Variants in UNC13C observed in about 807,000 individuals in gnomAD.
UNC13C encodes protein unc-13 homolog C.
In UNC13C, 174 loss-of-function variants were observed where a neutral mutation model predicts 245.4. The observed-to-expected ratio is 0.71, with a 90% CI of 0.63 to 0.80. The LOEUF is 0.80. UNC13C is among the 30% of genes least tolerant of loss of function. UNC13C has a pLI of 0.00. For synonymous variants in UNC13C, 992 were observed against 895.1 expected (o/e 1.11, Z -1.93); for missense variants, 2,829 against 2,602.9 (o/e 1.09, Z -1.89).
At chr15:54,318,202 C>G (rs1233867754) in intron 13 of UNC13C, among the ~76,000 whole-genome samples, 2 of 151,924 alleles carry the variant, frequency 1.3e-5, no homozygotes, top group African/African-American at 4.8e-5. Context: ...GCAGATATCT[C>G]TTTGACGTGC....
chr15:54,236,542 G>T, intron 6 of UNC13C, 107 bp downstream of exon 6: 1 of 844,946 alleles, frequency 1.2e-6, no homozygotes, highest in Non-Finnish European at 1.8e-6. Context: ...TGAAAAGACA[G>T]ACATACAAGA....
intron 1 of UNC13C, among the ~76,000 whole-genome samples, chr15:53,985,282 C>CT (rs1184567232): frequency 6.6e-6 from 1 of 151,278 alleles, no homozygotes; most frequent in African/African-American, 2.4e-5. Context: ...TGAACTCATA[C>CT]TTTTTTATGG....
chr15:54,455,926 G>A (rs1891496455), intron 19 of UNC13C, among the ~76,000 whole-genome samples: 1 of 151,912 alleles, frequency 6.6e-6, no homozygotes, highest in Admixed American at 6.6e-5. Flanking sequence ...TTGGGTTCTT[G>A]GTCATGAACT....
At chr15:54,356,312 T>A (rs2039093269) in intron 17 of UNC13C, among the ~76,000 whole-genome samples, 1 of 152,114 alleles carries the variant, frequency 6.6e-6, no homozygotes, top group African/African-American at 2.4e-5. Flanking sequence ...CAAATTAACC[T>A]CCAAAGGGGT....
chr15:53,966,161 GCATAGTTGA>G, the UNC13C span, among the ~76,000 whole-genome samples: 1 of 152,116 alleles, frequency 6.6e-6, no homozygotes, highest in Non-Finnish European at 1.5e-5. Flanking sequence ...TATTCATGTG[GCATAGTTGA>G]CATATTCTTC....
chr15:54,148,212 G>T (rs1258002098), intron 4 of UNC13C, among the ~76,000 whole-genome samples: 2 of 152,102 alleles, frequency 1.3e-5, no homozygotes, highest in Non-Finnish European at 2.9e-5. Context: ...TTTTCAAACA[G>T]GTACATTTAC....
At chr15:54,508,225 G>A (rs969860617) in intron 23 of UNC13C, among the ~76,000 whole-genome samples, 32 of 144,936 alleles carry the variant, frequency 2.2e-4, no homozygotes, top group African/African-American at 8.5e-4. Context: ...CATGTCTAAA[G>A]TGTTACATTG....
chr15:54,577,641 T>C (rs1476937636), intron 30 of UNC13C, among the ~76,000 whole-genome samples: 3 of 152,168 alleles, frequency 2.0e-5, no homozygotes, highest in African/African-American at 7.2e-5. Context: ...TCAATGTCTT[T>C]CCTAGAAAAC....
chr15:53,963,298 A>G, the UNC13C span, among the ~76,000 whole-genome samples: 1 of 152,180 alleles, frequency 6.6e-6, no homozygotes, highest in Admixed American at 6.5e-5. Context: ...CCAAACTTAT[A>G]CTGAGACTTT....
At chr15:54,577,780 A>C (rs1898022449) in intron 30 of UNC13C, among the ~76,000 whole-genome samples, 1 of 152,124 alleles carries the variant, frequency 6.6e-6, no homozygotes, top group Admixed American at 6.6e-5. Context: ...TCTCTTCTCA[A>C]ACCATCCTAA....
chr15:54,575,310 A>G (rs755072718), intron 30 of UNC13C, among the ~76,000 whole-genome samples: 5 of 152,188 alleles, frequency 3.3e-5, no homozygotes, highest in African/African-American at 4.8e-5. Flanking sequence ...TAGGATGAAA[A>G]GTTTAAATAC....
intron 2 of UNC13C, among the ~76,000 whole-genome samples, chr15:54,066,640 A>G (rs547929192): frequency 1.3e-5 from 2 of 152,302 alleles, no homozygotes; most frequent in South Asian, 2.1e-4. Flanking sequence ...CTCAGAGGTC[A>G]CGTGTTATGC....
rs1232299320 is a variant in UNC13C, at chr15:54,455,197, CTCTCTCTCTATA to C, written c.4934-39409_4934-39398del. ...TCTCTCTCTCTCTCTCTCTCTCTCTCTCTCTCTCTATATATATATATATATATATATATATAT... is the reference window on the plus strand; with the variant it reads ...TCTCTCTCTCTCTCTCTCTCTCTCTCTATATATATATATATATATATATAT... On this transcript the variant is annotated intron_variant, in intron 19 of 32. Transcript: ENST00000260323. Among the ~76,000 whole-genome samples the C allele has an allele frequency of 1.5e-3, 64 of 43,924 alleles. 5 individuals carry two copies. The highest frequency in any genetic ancestry group is 0.013 in the East Asian group (14 of 1,068). The allele number at this position is 43,924 out of a possible 152,430, so 28.8% of individuals were successfully genotyped here.
At chr15:54,230,606 T>C (rs1447094565) in intron 4 of UNC13C, among the ~76,000 whole-genome samples, 1 of 152,050 alleles carries the variant, frequency 6.6e-6, no homozygotes, top group Non-Finnish European at 1.5e-5. Flanking sequence ...TAACTGAACC[T>C]GAGTCAAGGC....
the UNC13C span, among the ~76,000 whole-genome samples, chr15:53,962,905 C>A: frequency 6.6e-6 from 1 of 152,152 alleles, no homozygotes; most frequent in Non-Finnish European, 1.5e-5. Flanking sequence ...ATCTGTCATC[C>A]TTTGTACATG....
intron 2 of UNC13C, among the ~76,000 whole-genome samples, chr15:54,134,858 A>T (rs2031649246): frequency 6.6e-6 from 1 of 152,144 alleles, no homozygotes; most frequent in African/African-American, 2.4e-5. Context: ...GGATTATTAT[A>T]GTAGTTCTAG....
chr15:54,606,840 A>C (rs1899792178), intron 30 of UNC13C, among the ~76,000 whole-genome samples: 1 of 152,190 alleles, frequency 6.6e-6, no homozygotes, highest in Non-Finnish European at 1.5e-5. Flanking sequence ...TGCGTTAGCC[A>C]TAGGAATTAC....
the UNC13C span, among the ~76,000 whole-genome samples, chr15:53,893,412 C>A: frequency 2.0e-5 from 3 of 152,212 alleles, no homozygotes; most frequent in African/African-American, 7.2e-5. Context: ...CTCTTCAGAG[C>A]TGTGAGGCAG....
the UNC13C span, among the ~76,000 whole-genome samples, chr15:53,847,809 G>A: frequency 6.6e-6 from 1 of 152,106 alleles, no homozygotes; most frequent in South Asian, 2.1e-4. Flanking sequence ...ATTGTGATAA[G>A]ATAAGCATAT....
Sources: allele counts gnomAD v4.1 joint callset (sites outside exome capture counted in the v4.1 genomes callset), GRCh38; gene constraint gnomAD v4.1.1; transcripts MANE v1.5; gene names NCBI Gene and HGNC (gene_info 2026-07-23, HGNC 2026-07-21).